TMEM71: variants seen among roughly 807,000 people sequenced by gnomAD.
TMEM71 encodes transmembrane protein 71.
A neutral mutation model predicts 38.0 loss-of-function variants in TMEM71; 44 were observed. The ratio of observed to expected loss-of-function variants is 1.16; its 90% CI spans 0.91 to 1.49. The LOEUF is 1.49. Among genes scored for constraint, TMEM71 ranks in the 40% most tolerant of loss-of-function variants. TMEM71 has a pLI of 0.00. For missense variants in TMEM71, 367 were observed against 348.6 expected, an observed-to-expected ratio of 1.05 and a Z score of -0.42; for synonymous variants, 133 against 122.5, an observed-to-expected ratio of 1.09 and a Z score of -0.56.
chr8:132,718,837 A>G (rs1313135187), intron 7 of TMEM71, among the ~76,000 whole-genome samples: 2 of 152,228 alleles, frequency 1.3e-5, no homozygotes, highest in East Asian at 3.8e-4. Context: ...GATGTCACTG[A>G]GTAGATTTAT....
intron 2 of TMEM71, chr8:132,758,236 A>C (rs1179850599): frequency 6.6e-6 from 1 of 152,252 alleles, no homozygotes; most frequent in African/African-American, 2.4e-5. Flanking sequence ...GGAGTTGATT[A>C]ATATTCTAAA....
chr8:132,766,345 C>T, the TMEM71 span, among the ~76,000 whole-genome samples: 1 of 140,658 alleles, frequency 7.1e-6, no homozygotes, highest in Non-Finnish European at 1.5e-5. Context: ...GTACACACCT[C>T]CAGGGGGAAG....
At chr8:132,735,229 T>C (rs1472264491) in intron 5 of TMEM71, among the ~76,000 whole-genome samples, 1 of 152,096 alleles carries the variant, frequency 6.6e-6, no homozygotes, top group Non-Finnish European at 1.5e-5. Context: ...TTGCAACTAA[T>C]GAGGAAAGGT....
At chr8:132,744,210 A>G (rs1181789930) in intron 5 of TMEM71, among the ~76,000 whole-genome samples, 1 of 152,214 alleles carries the variant, frequency 6.6e-6, no homozygotes, top group Non-Finnish European at 1.5e-5. Flanking sequence ...AGTGTCCAAT[A>G]AATATCTGTT....
Position 132,758,855 on chromosome 8 carries a change from A to T in TMEM71, c.25T>A (p.Ser9Thr). Residue 9 changes from serine (S) to threonine (T), a missense_variant, in exon 2 of 10, where the codon TCA becomes ACA. Transcript: ENST00000677595. MYRISQLM[S>T]TPVASSSRLE... ...CTACATTTACTTGCTACTGGTGTTG[A>T]CATCAGTTGAGATATTCGGTACATC... is the stretch of plus-strand genomic sequence containing the variant. 1 of 1,613,912 alleles carries T rather than the reference A, an allele frequency of 6.2e-7. No homozygotes were observed. Among genetic ancestry groups the T allele is most frequent in the East Asian group, 2.2e-5 (1 of 44,856 alleles).
At chr8:132,749,586 T>C (rs1828578809) in intron 4 of TMEM71, among the ~76,000 whole-genome samples, 1 of 152,164 alleles carries the variant, frequency 6.6e-6, no homozygotes, top group African/African-American at 2.4e-5. Context: ...AATTCCACCA[T>C]GGCACAGCCT....
intron 5 of TMEM71, among the ~76,000 whole-genome samples, chr8:132,732,614 TA>T (rs1827520781): frequency 6.6e-6 from 1 of 152,132 alleles, no homozygotes; most frequent in Admixed American, 6.5e-5. Context: ...CTTTGTGTGT[TA>T]AAATGCTCAC....
the TMEM71 span, among the ~76,000 whole-genome samples, chr8:132,766,687 A>AGGCT: frequency 4.5e-4 from 68 of 151,386 alleles, no homozygotes; most frequent in African/African-American, 1.6e-3. Context: ...ACTACTCAGG[A>AGGCT]GGCTGAGGCA....
At chr8:132,769,501 G>A in the TMEM71 span, among the ~76,000 whole-genome samples, 1 of 152,198 alleles carries the variant, frequency 6.6e-6, no homozygotes, top group Admixed American at 6.5e-5. Context: ...CTGACTGTGT[G>A]TGTCTCCCTG....
chr8:132,767,578 A>G, the TMEM71 span, among the ~76,000 whole-genome samples: 1 of 151,350 alleles, frequency 6.6e-6, no homozygotes, highest in Non-Finnish European at 1.5e-5. Flanking sequence ...GGGCTCAAGC[A>G]ATTCCCCTGC....
chr8:132,728,219 T>G (rs966993144), intron 5 of TMEM71, among the ~76,000 whole-genome samples: 1 of 152,160 alleles, frequency 6.6e-6, no homozygotes, highest in African/African-American at 2.4e-5. Context: ...CTGGGTAATT[T>G]ATAAAGAAAA....
At chr8:132,737,051 A>G (rs1827787899) in intron 5 of TMEM71, among the ~76,000 whole-genome samples, 1 of 152,182 alleles carries the variant, frequency 6.6e-6, no homozygotes, top group Non-Finnish European at 1.5e-5. Flanking sequence ...AAATAGGCAA[A>G]TCCACGGAGA....
At chr8:132,719,362 C>G (rs911019597) in intron 7 of TMEM71, among the ~76,000 whole-genome samples, 1 of 152,200 alleles carries the variant, frequency 6.6e-6, no homozygotes, top group African/African-American at 2.4e-5. Flanking sequence ...AACTTCCACA[C>G]CTGACTTCAT....
At chr8:132,711,073 T>G (rs2130987643) in intron 9 of TMEM71, 91 bp from the exon 10 acceptor site, 1 of 1,229,258 alleles carries the variant, frequency 8.1e-7, no homozygotes, top group East Asian at 2.4e-5. Context: ...TTTGCGCATA[T>G]ATAAGCACAC....
intron 5 of TMEM71, among the ~76,000 whole-genome samples, chr8:132,732,788 G>A (rs1458806733): frequency 6.6e-6 from 1 of 152,146 alleles, no homozygotes; most frequent in Non-Finnish European, 1.5e-5. Flanking sequence ...AGTTTACGTT[G>A]TCACAACTTG....
At chr8:132,724,649 G>A (rs1008404448) in intron 6 of TMEM71, among the ~76,000 whole-genome samples, 8 of 152,118 alleles carry the variant, frequency 5.3e-5, no homozygotes, top group African/African-American at 1.9e-4. Flanking sequence ...AATCATCACA[G>A]TGCTCCTGAG....
At chr8:132,764,768 AT>A (rs1470856258), upstream of TMEM71, among the ~76,000 whole-genome samples, 20 of 152,358 alleles carry the variant, frequency 1.3e-4, no homozygotes, top group African/African-American at 4.3e-4. Flanking sequence ...CAGAGGATGC[AT>A]CACAATTGGA....
At chr8:132,773,526 T>G in the TMEM71 span, among the ~76,000 whole-genome samples, 3 of 152,210 alleles carry the variant, frequency 2.0e-5, no homozygotes, top group Non-Finnish European at 4.4e-5. Context: ...CCTCAAGTTT[T>G]TAGTGGTGTA....
chr8:132,734,818 A>G (rs1400354257), intron 5 of TMEM71, among the ~76,000 whole-genome samples: 2 of 152,328 alleles, frequency 1.3e-5, no homozygotes, highest in African/African-American at 4.8e-5. Context: ...TGTTGAAGGT[A>G]TCTATTTCAT....
Sources: gnomAD v4.1 joint callset for allele counts (sites outside exome capture counted in the v4.1 genomes callset) on GRCh38, gnomAD v4.1.1 for gene constraint, MANE v1.5 for transcripts, NCBI Gene and HGNC (gene_info 2026-07-23, HGNC 2026-07-21) for gene names.